The following ITGB4 variants were observed in gnomAD, a reference collection of about 807,000 sequenced individuals.
ITGB4 encodes the protein integrin subunit beta 4.
In ITGB4, 159 loss-of-function variants were observed where a neutral mutation model predicts 207.6. The observed-to-expected ratio is 0.77, with a 90% CI of 0.67 to 0.87. The LOEUF (loss-of-function observed/expected upper bound fraction) is 0.87, where lower values mean the gene tolerates loss of function less well. Among genes scored for constraint, ITGB4 ranks in the 40% least tolerant of loss-of-function variants. The pLI, the probability that ITGB4 is intolerant of heterozygous loss-of-function variation, is 0.00. For synonymous variants in ITGB4, 1,020 were observed against 1,062.7 expected, an observed-to-expected ratio of 0.96 and a Z score of 0.78; for missense variants, 2,278 against 2,546.8, an observed-to-expected ratio of 0.89 and a Z score of 2.27.
Position 75,740,290 on chromosome 17 carries a change from C to A in ITGB4, c.2447-68C>A. The stretch of plus-strand genomic sequence containing the variant: ...TCCTAGCATGGTTGCTGGAGGGATG[C>A]TCTGTGGTGCCTGTCATGCAGGGGG... On this transcript the variant is annotated intron_variant, in intron 20 of 39. Coordinates refer to ENST00000200181, the MANE Select transcript of ITGB4 (RefSeq NM_000213.5). This position sits in a 1 kb window ranked among gnomAD's most constrained non-coding sequence, Gnocchi z 5.9. The A allele has an allele frequency of 1.4e-6, 2 of 1,414,776 alleles. No individual in the cohort carries two copies. The highest frequency in any genetic ancestry group is 2.0e-6 in the Non-Finnish European group (2 of 1,014,256). The allele number at this position is 1,414,776 out of a possible 1,614,324, so 87.6% of individuals were successfully genotyped here.
At position 75,732,304 on chromosome 17, in the gene ITGB4, T is replaced by A. The variant is rs1445457042; in HGVS notation, c.1454+65T>A. 6.7e-7 allele frequency: 1 copy of A among 1,500,980 alleles called. No individual in the cohort carries two copies. The highest frequency in any genetic ancestry group is 9.3e-7 in the Non-Finnish European group (1 of 1,078,796). The allele number at this position is 1,500,980 out of a possible 1,614,324, so 93.0% of individuals were successfully genotyped here. A position where few individuals can be genotyped will look rare whatever the true frequency, so the allele number is the denominator to read the frequency against. The stretch of plus-strand genomic sequence containing the variant: ...GCCCCTGATGGGAAAGCTGGGCTCC[T>A]GCAGGGGCCTGGCCCTGGGTGCACC... On this transcript the variant is annotated intron_variant, in intron 12 of 39. Transcript: ENST00000200181. This position sits in a 1 kb window ranked among gnomAD's most constrained non-coding sequence, Gnocchi z 5.3.
rs1437958863 is a variant in ITGB4, at chr17:75,742,478, C to T, written c.2771C>T (p.Thr924Ile). ...LKVAPGYYTL[T>I]ADQDARGMVE... is the part of the protein sequence containing the mutation. ...GTGGCCCCCGGCTACTACACCCTCACTGCAGACCAGGGTAGGAGGGCGGGT... is the reference window on the plus strand; with the variant it reads ...GTGGCCCCCGGCTACTACACCCTCATTGCAGACCAGGGTAGGAGGGCGGGT... Residue 924 changes from threonine (T) to isoleucine (I), a missense_variant, in exon 24 of 40, where the codon ACT (threonine) becomes ATT (isoleucine). Physicochemically the swap from Thr to Ile is moderately conservative, Grantham distance 89. Transcript: ENST00000200181. The surrounding 1 kb of genome is among the most constrained non-coding windows in gnomAD (Gnocchi z 5.9). 4 of 1,613,186 alleles carry T rather than the reference C, an allele frequency of 2.5e-6. No individual in the cohort carries two copies. Among genetic ancestry groups the T allele is most frequent in the Non-Finnish European group, 3.4e-6 (4 of 1,179,822 alleles).
In ITGB4 at chr17:75,742,804, G is replaced by C; in HGVS notation, c.2962+43G>C. 9 of 1,560,474 alleles carry C rather than the reference G, an allele frequency of 5.8e-6. No individual in the cohort carries two copies. The highest frequency in any genetic ancestry group is 7.8e-6 in the Non-Finnish European group (9 of 1,152,762). ...GAGTGGGGAAGGCAGACGGGGGCTCGGGGGCACTGGTTCCTCCTGCTTAAG... is the reference window on the plus strand; with the variant it reads ...GAGTGGGGAAGGCAGACGGGGGCTCCGGGGCACTGGTTCCTCCTGCTTAAG... On this transcript the variant is annotated intron_variant, in intron 25 of 39. Coordinates refer to ENST00000200181, the MANE Select transcript of ITGB4 (RefSeq NM_000213.5). The surrounding 1 kb of genome is among the most constrained non-coding windows in gnomAD (Gnocchi z 5.9).
At chr17:75,724,879 C>T (rs535294725) in intron 2 of ITGB4, 97 bp downstream of exon 2, 189 of 1,041,904 alleles carry the variant, frequency 1.8e-4, no homozygotes, top group Non-Finnish European at 2.2e-4. Flanking sequence ...CACCTAAACA[C>T]GCTTGGCCAT....
At chr17:75,733,728 G>C (rs757569058) in intron 13 of ITGB4, 36 bp downstream of exon 13, 1 of 1,597,438 alleles carries the variant, frequency 6.3e-7, no homozygotes, top group South Asian at 1.1e-5. Flanking sequence ...CTGATGGCGG[G>C]GTAGGGAGTG....
intron 16 of ITGB4, 58 bp downstream of exon 16, chr17:75,736,752 G>C (rs372342409): frequency 6.4e-7 from 1 of 1,551,696 alleles, no homozygotes; most frequent in Non-Finnish European, 8.8e-7. Context: ...GGCATCCAAC[G>C]GGGCAAGGGT....
Position 75,731,258 on chromosome 17 carries a change from AACCTGGAC to A in ITGB4, c.1107_1114del (p.Leu370ProfsTer44). 1 of 1,613,416 alleles carries A rather than the reference AACCTGGAC, an allele frequency of 6.2e-7. No homozygotes were observed. Among genetic ancestry groups the A allele is most frequent in the African/African-American group, 1.3e-5 (1 of 75,034 alleles). On this transcript the variant is annotated frameshift_variant, in exon 10 of 40. Transcript: ENST00000200181. LOFTEE classifies it high-confidence loss of function. The surrounding 1 kb of genome is among the most constrained non-coding windows in gnomAD (Gnocchi z 6.8). ...CTTCCTCCTTTAGCGGATCCGCTCC[AACCTGGAC>A]ATCCGGGCCCTAGACAGCCCCCGAG...
At chr17:75,748,189 T>G (rs1599291031) in intron 26 of ITGB4, among the ~76,000 whole-genome samples, 3 of 79,702 alleles carry the variant, frequency 3.8e-5, no homozygotes, top group South Asian at 4.6e-4. Flanking sequence ...AGGGTAACCG[T>G]GCCTCTACAA....
At position 75,739,178 on chromosome 17, in the gene ITGB4, C is replaced by A. The variant is rs2061049336; in HGVS notation, c.2221-494C>A. Among the ~76,000 whole-genome samples, 1 of 151,646 alleles carries A rather than the reference C, an allele frequency of 6.6e-6. No individual in the cohort carries two copies. Among genetic ancestry groups the A allele is most frequent in the African/African-American group, 2.4e-5 (1 of 41,242 alleles). Reference sequence around the variant, plus strand: ...GGCATGGAGGTGGATGCCTATAATCCCAGTTACTAGGGGGGCTGAGGCAGG... The same window carrying A: ...GGCATGGAGGTGGATGCCTATAATCACAGTTACTAGGGGGGCTGAGGCAGG... On this transcript the variant is annotated intron_variant, in intron 18 of 39. Transcript: ENST00000200181. The surrounding 1 kb of genome is among the most constrained non-coding windows in gnomAD (Gnocchi z 5.4).
intron 26 of ITGB4, among the ~76,000 whole-genome samples, chr17:75,747,776 A>T (rs2061264850): frequency 6.6e-6 from 1 of 152,138 alleles, no homozygotes; most frequent in Admixed American, 6.6e-5. Flanking sequence ...TAGCCTCCCG[A>T]GTAGCTGGGA....
Position 75,748,992 on chromosome 17 carries a change from T to A in ITGB4, c.3263T>A (p.Phe1088Tyr), listed in dbSNP as rs764799295. The A allele has an allele frequency of 6.2e-7, 1 of 1,613,158 alleles. No individual in the cohort carries two copies. Among genetic ancestry groups the A allele is most frequent in the Non-Finnish European group, 8.5e-7 (1 of 1,179,986 alleles). The part of the protein sequence containing the change: ...RFHVQLSNPK[F>Y]GAHLGQPHST... ...CACGTCCAGCTCAGCAACCCTAAGT[T>A]TGGGGCCCACCTGGGCCAGCCCCAC... The change falls in exon 27 of 40, where the codon TTT becomes TAT. Residue 1088 changes from phenylalanine to tyrosine, a missense_variant. Coordinates refer to ENST00000200181, the MANE Select transcript of ITGB4 (RefSeq NM_000213.5).
At chr17:75,725,723 A>G (rs2060704998) in intron 2 of ITGB4, among the ~76,000 whole-genome samples, 1 of 152,192 alleles carries the variant, frequency 6.6e-6, no homozygotes, top group African/African-American at 2.4e-5. Context: ...TTTTTAACTG[A>G]GCAGAGCCAA....
chr17:75,730,128 G>A, intron 7 of ITGB4, 113 bp from the exon 8 acceptor site: 1 of 1,407,254 alleles, frequency 7.1e-7, no homozygotes, highest in Non-Finnish European at 9.9e-7. Context: ...TGTGAATCCA[G>A]TGGCTTAAGC....
At chr17:75,755,661 GC>G in intron 34 of ITGB4, 39 bp from the exon 35 acceptor site, 2 of 1,611,336 alleles carry the variant, frequency 1.2e-6, no homozygotes, top group Non-Finnish European at 1.7e-6. Context: ...TGAGACCCTA[GC>G]CCCTGCATCT....
Position 75,757,004 on chromosome 17 carries a change from C to T in ITGB4, c.5115C>T (p.Gly1705=), listed in dbSNP as rs1568388898. Residue 1705 remains glycine (G), a synonymous_variant, in exon 38 of 40, where the codon GGC becomes GGT. Transcript: ENST00000200181. The part of the protein sequence containing the change: ...DSPESRLTVP[G]LSENVPYKFK... ...CCGAGAGCCGGCTGACCGTGCCGGG[C>T]CTCAGCGAGAACGTGCCCTACAAGT... 3 of 1,612,750 alleles carry T rather than the reference C, an allele frequency of 1.9e-6. No homozygotes were observed. Among genetic ancestry groups the T allele is most frequent in the Non-Finnish European group, 2.5e-6 (3 of 1,179,984 alleles).
Position 75,727,941 on chromosome 17 carries a change from C to T in ITGB4, c.469+86C>T. The T allele has an allele frequency of 8.1e-7, 1 of 1,235,200 alleles. No individual in the cohort carries two copies. Among genetic ancestry groups the T allele is most frequent in the East Asian group, 2.3e-5 (1 of 42,730 alleles). 76.5% of individuals were successfully genotyped at this position (1,235,200 alleles called of 1,614,324 possible). On this transcript the variant is annotated intron_variant, in intron 5 of 39. Transcript: ENST00000200181. This position sits in a 1 kb window ranked among gnomAD's most constrained non-coding sequence, Gnocchi z 6.0. ...GGGAGGCCAGGACTCAGGACAGCTG[C>T]ACCCACCCAGAAGGAAACACTGGAC...
At chr17:75,734,111 T>C (rs369887168) in intron 13 of ITGB4, among the ~76,000 whole-genome samples, 1 of 151,326 alleles carries the variant, frequency 6.6e-6, no homozygotes, top group East Asian at 1.9e-4. Context: ...GTGGGTTTTT[T>C]GTTGTTGTTG....
At chr17:75,741,280 C>T (rs879333834) in intron 23 of ITGB4, among the ~76,000 whole-genome samples, 10 of 152,300 alleles carry the variant, frequency 6.6e-5, no homozygotes, top group Non-Finnish European at 1.2e-4. Context: ...AGCCCCCCAC[C>T]CGGTACCAGC....
At chr17:75,752,820 C>A (rs1260866153) in intron 32 of ITGB4, among the ~76,000 whole-genome samples, 3 of 152,186 alleles carry the variant, frequency 2.0e-5, no homozygotes, top group Non-Finnish European at 4.4e-5. Flanking sequence ...CGAAGAAACA[C>A]AGCTTCACAA....
Sources: allele counts gnomAD v4.1 joint callset (sites outside exome capture counted in the v4.1 genomes callset), GRCh38; gene constraint gnomAD v4.1.1; non-coding constraint Gnocchi (gnomAD v3.1); transcripts MANE v1.5; gene names NCBI Gene and HGNC (gene_info 2026-07-23, HGNC 2026-07-21).